Variants in SUN2 observed in about 807,000 individuals in gnomAD.
The protein encoded by SUN2 is Sad1 and UNC84 domain containing 2.
Under a neutral mutation model 100.0 loss-of-function variants are expected in SUN2, and 60 were observed. That is an observed-to-expected ratio of 0.60 (90% CI 0.49 to 0.74). The LOEUF is 0.74. SUN2 is among the 30% of genes least tolerant of loss of function. The pLI is 0.00. For missense variants in SUN2, 834 were observed against 954.6 expected (o/e 0.87, Z 1.66); for synonymous variants, 367 against 403.3 (o/e 0.91, Z 1.08).
Position 38,741,055 on chromosome 22 carries a change from G to A in SUN2, c.1147-5C>T, listed in dbSNP as rs368350457. 22 of 1,595,260 alleles carry A rather than the reference G, an allele frequency of 1.4e-5. No homozygotes were observed. The highest frequency in any genetic ancestry group is 2.3e-5 in the East Asian group (1 of 44,322). ...CTGGATGCGAGCCTCGGACTCCTGT[G>A]TAGGAAGAAGGGACAAATACAAGAA... On this transcript the variant is annotated splice_region_variant and splice_polypyrimidine_tract_variant and intron_variant, in intron 10 of 17. Transcript: ENST00000689035.
At chr22:38,743,968 C>A (rs945146602) in intron 8 of SUN2, 1 of 152,116 alleles carries the variant, frequency 6.6e-6, no homozygotes, top group Non-Finnish European at 1.5e-5. Context: ...GCCGGCTGGG[C>A]GTGGTGGCTC....
chr22:38,738,127 G>T lies in SUN2; in HGVS notation c.2040+46C>A. ...GTGCCCAGGGAGCACCTGCTGCCTG[G>T]ATGGGGAGTCTGCGCCACTTCTGCT... On this transcript the variant is annotated intron_variant, in intron 17 of 17. Coordinates refer to ENST00000689035, the MANE Select transcript of SUN2 (RefSeq NM_015374.3). This position sits in a 1 kb window ranked among gnomAD's most constrained non-coding sequence, Gnocchi z 6.6. 1 of 1,569,250 alleles carries T rather than the reference G, an allele frequency of 6.4e-7. No homozygotes were observed. The highest frequency in any genetic ancestry group is 8.8e-7 in the Non-Finnish European group (1 of 1,139,406).
Position 38,734,918 on chromosome 22 carries a change from A to G in SUN2, c.*1349T>C. 4.3e-6 allele frequency: 1 copy of G among 231,440 alleles called. No homozygotes were observed. Among genetic ancestry groups the G allele is most frequent in the Non-Finnish European group, 8.8e-6 (1 of 113,224 alleles). 14.3% of individuals were successfully genotyped at this position (231,440 alleles called of 1,614,324 possible). On this transcript the variant is annotated 3_prime_UTR_variant, in exon 18 of 18. Transcript: ENST00000689035. Reference sequence around the variant, plus strand: ...ATGCTCCAGAGCGGATTTGAGGCTCAGTGCTGCAGTGAAGGCCTGCCCGCC... The same window carrying G: ...ATGCTCCAGAGCGGATTTGAGGCTCGGTGCTGCAGTGAAGGCCTGCCCGCC...
intron 7 of SUN2, among the ~76,000 whole-genome samples, chr22:38,748,389 TAACTTC>T (rs2092919966): frequency 6.6e-6 from 1 of 152,236 alleles, no homozygotes; most frequent in African/African-American, 2.4e-5. Flanking sequence ...GCTCAAGATT[TAACTTC>T]ATCTTGTAAA....
rs1354621074 is a variant in SUN2 at position 38,735,212 on chromosome 22, C to G, written c.*1055G>C. ...AGCCTCTTCCCCCAGCCCCCACCAA[C>G]TGCCCCACAGAGAACAAACCAGAAG... On this transcript the variant is annotated 3_prime_UTR_variant, in exon 18 of 18. Coordinates refer to ENST00000689035, the MANE Select transcript of SUN2 (RefSeq NM_015374.3). The G allele has an allele frequency of 2.2e-6, 1 of 455,560 alleles. No homozygotes were observed. Among genetic ancestry groups the G allele is most frequent in the Non-Finnish European group, 4.4e-6 (1 of 226,510 alleles). The allele number at this position is 455,560 out of a possible 1,614,324, so 28.2% of individuals were successfully genotyped here. A position where few individuals can be genotyped will look rare whatever the true frequency, so the allele number is the denominator to read the frequency against.
chr22:38,736,530 C>CCTAT (rs1300425276), intron 17 of SUN2, 150 bp from the exon 18 acceptor site: 1 of 591,370 alleles, frequency 1.7e-6, no homozygotes, highest in Admixed American at 3.5e-5. Flanking sequence ...TTCAAAAGCT[C>CCTAT]CTATCTTTAG....
intron 7 of SUN2, among the ~76,000 whole-genome samples, chr22:38,748,037 C>T (rs967997525): frequency 8.0e-5 from 12 of 150,472 alleles, no homozygotes; most frequent in African/African-American, 1.2e-4. Flanking sequence ...CACTTATGGC[C>T]GGGCACGGTG....
At chr22:38,752,442 C>A in intron 2 of SUN2, 65 bp downstream of exon 2, 2 of 1,539,894 alleles carry the variant, frequency 1.3e-6, no homozygotes, top group Admixed American at 1.8e-5. Flanking sequence ...GACCACAGGG[C>A]GTGCGGGCAG....
Position 38,738,659 on chromosome 22 carries a change from GGTAAC to G in SUN2, c.1870_1874del (p.Val624LeufsTer27). 1 of 1,614,020 alleles carries G rather than the reference GGTAAC, an allele frequency of 6.2e-7. No homozygotes were observed. Among genetic ancestry groups the G allele is most frequent in the East Asian group, 2.2e-5 (1 of 44,890 alleles). The stretch of plus-strand genomic sequence containing the variant: ...ACAAGGCCTTGGGCACATGCTCTAA[GGTAAC>G]GGCTGTGGGGCGGATGCGGGCAGAG... On this transcript the variant is annotated frameshift_variant, in exon 16 of 18. Transcript: ENST00000689035. LOFTEE classifies it high-confidence loss of function. The surrounding 1 kb of genome is among the most constrained non-coding windows in gnomAD (Gnocchi z 6.6).
rs370874583 is a variant in SUN2 at position 38,751,319 on chromosome 22, C to G, written c.177G>C (p.Leu59=). The change falls in exon 3 of 18, where the codon CTG becomes CTC. Residue 59 remains leucine, a synonymous_variant. Coordinates refer to ENST00000689035, the MANE Select transcript of SUN2 (RefSeq NM_015374.3). ...NMKRLSPAPQ[L]GPSSDAHTSY... ...AGGTGTGTGCATCAGAGGACGGGCC[C>G]AGCTGTGGCGCTGGGGACAGGCGCT... is the stretch of plus-strand genomic sequence containing the variant. The G allele has an allele frequency of 2.5e-6, 4 of 1,614,012 alleles. No homozygotes were observed. The African/African-American group carries it at 5.3e-5, about 22-fold the overall frequency.
intron 8 of SUN2, 119 bp from the exon 9 acceptor site, chr22:38,742,674 C>T (rs2092869759): frequency 7.4e-6 from 10 of 1,352,306 alleles, no homozygotes; most frequent in East Asian, 2.5e-5. Context: ...GACGTTCCAG[C>T]ATAAGGCCAT....
chr22:38,755,812 C>T lies in SUN2; in HGVS notation c.-87G>A, dbSNP rs1603234016. ...CGGCCGGGGGCGTCCGAGGCCAGGCCGCCGCCGGGGCGCGCCCCCTTTCCG... is the reference window on the plus strand; with the variant it reads ...CGGCCGGGGGCGTCCGAGGCCAGGCTGCCGCCGGGGCGCGCCCCCTTTCCG... On this transcript the variant is annotated 5_prime_UTR_variant, in exon 1 of 18. Transcript: ENST00000689035. The surrounding 1 kb of genome is among the most constrained non-coding windows in gnomAD (Gnocchi z 5.7). The T allele has an allele frequency of 4.1e-6, 4 of 983,860 alleles. No individual in the cohort carries two copies. The highest frequency in any genetic ancestry group is 1.1e-4 in the East Asian group (1 of 8,770). The allele number at this position is 983,860 out of a possible 1,614,324, so 60.9% of individuals were successfully genotyped here.
chr22:38,753,060 C>A (rs967902178), intron 1 of SUN2, among the ~76,000 whole-genome samples: 7 of 152,192 alleles, frequency 4.6e-5, no homozygotes, highest in Non-Finnish European at 1.0e-4. Context: ...TGCCTGCACG[C>A]CCGGTGGTCC....
Position 38,742,548 on chromosome 22 carries a change from T to C in SUN2, c.821A>G (p.Gln274Arg), listed in dbSNP as rs1323225567. The change falls in exon 9 of 18, where the codon CAG becomes CGG. Residue 274 changes from glutamine (Q) to arginine (R), a missense_variant. Gln to Arg is a conservative substitution (Grantham distance 43). Around this residue, in one of 3 missense-constraint regions of SUN2, gnomAD observed 559 missense variants for 597.7 expected, o/e 0.94. Transcript: ENST00000689035. Reference sequence around the variant, plus strand: ...AGAGTGTACCCGGGACATAACACGCTGCTCAGCCTGGAAGGGCAGAGAGAG... The same window carrying C: ...AGAGTGTACCCGGGACATAACACGCCGCTCAGCCTGGAAGGGCAGAGAGAG... Reference protein sequence around the residue: ...RDSSPHFQAEQRVMSRVHSLE... With the variant: ...RDSSPHFQAERRVMSRVHSLE... 1 of 1,610,064 alleles carries C rather than the reference T, an allele frequency of 6.2e-7. No homozygotes were observed. The highest frequency in any genetic ancestry group is 1.7e-5 in the Admixed American group (1 of 59,938).
chr22:38,748,295 C>T (rs908340606), intron 7 of SUN2, among the ~76,000 whole-genome samples: 1 of 152,212 alleles, frequency 6.6e-6, no homozygotes, highest in Non-Finnish European at 1.5e-5. Context: ...GCCTGGGCAA[C>T]AAGAGCAAAA....
At position 38,737,091 on chromosome 22, in the gene SUN2, C is replaced by T. The variant is rs1037248976; in HGVS notation, c.2041-711G>A. 6.6e-6 allele frequency among the ~76,000 whole-genome samples: 1 copy of T among 152,200 alleles called. No individual in the cohort carries two copies. Among genetic ancestry groups the T allele is most frequent in the Non-Finnish European group, 1.5e-5 (1 of 68,044 alleles). ...TGAACTCCTGGGCTCAAGCAATCCC[C>T]TCGCCTTGGCCTTGCAAAGTGCTGG... is the stretch of plus-strand genomic sequence containing the variant. On this transcript the variant is annotated intron_variant, in intron 17 of 17. Coordinates refer to ENST00000689035, the MANE Select transcript of SUN2 (RefSeq NM_015374.3). This position sits in a 1 kb window ranked among gnomAD's most constrained non-coding sequence, Gnocchi z 4.1.
chr22:38,749,230 C>T (rs1274711640), intron 6 of SUN2, among the ~76,000 whole-genome samples: 1 of 152,186 alleles, frequency 6.6e-6, no homozygotes, highest in Non-Finnish European at 1.5e-5. Context: ...CTTCTGGGTT[C>T]CGTGTTCTTC....
At position 38,749,866 on chromosome 22, in the gene SUN2, G is replaced by T; in HGVS notation, c.521-7C>A. 6.2e-7 allele frequency: 1 copy of T among 1,611,718 alleles called. No homozygotes were observed. Among genetic ancestry groups the T allele is most frequent in the Non-Finnish European group, 8.5e-7 (1 of 1,179,110 alleles). ...AGAAGTCTGAAGAGCCGGCCTGGAA[G>T]AATGACCATCAAGCCGAAGGCTCCA... On this transcript the variant is annotated splice_polypyrimidine_tract_variant and splice_region_variant and intron_variant, in intron 5 of 17. Coordinates refer to ENST00000689035, the MANE Select transcript of SUN2 (RefSeq NM_015374.3).
intron 1 of SUN2, among the ~76,000 whole-genome samples, chr22:38,753,983 T>G (rs1010198307): frequency 6.6e-6 from 1 of 152,168 alleles, no homozygotes; most frequent in South Asian, 2.1e-4. Context: ...TACAAACTTG[T>G]TACACAACAA....
Sources: allele counts gnomAD v4.1 joint callset (sites outside exome capture counted in the v4.1 genomes callset), GRCh38; gene constraint gnomAD v4.1.1; regional missense constraint gnomAD v4.1.1; non-coding constraint Gnocchi (gnomAD v3.1); transcripts MANE v1.5; gene names NCBI Gene and HGNC (gene_info 2026-07-23, HGNC 2026-07-21).